Variants in ATG10 observed in about 807,000 individuals in gnomAD.
ATG10 encodes ubiquitin-like-conjugating enzyme ATG10.
In ATG10, 30 loss-of-function variants were observed where a neutral mutation model predicts 32.1. That is an observed-to-expected ratio of 0.94 (90% CI 0.70 to 1.27). The LOEUF (loss-of-function observed/expected upper bound fraction) is 1.27. ATG10 is among the 50% of genes most tolerant of loss of function. ATG10 has a pLI of 0.00. For missense variants in ATG10, 233 were observed against 262.3 expected (o/e 0.89, Z 0.77); for synonymous variants, 87 against 91.5 (o/e 0.95, Z 0.28).
chr5:82,230,477 T>C (rs1746314319), intron 5 of ATG10, among the ~76,000 whole-genome samples: 1 of 152,186 alleles, frequency 6.6e-6, no homozygotes, highest in Non-Finnish European at 1.5e-5. Context: ...CTCACGCCTG[T>C]AATCCCAGCA....
In ATG10 at chr5:82,035,302, C is replaced by T. The variant is rs547282520; in HGVS notation, c.109-23193C>T. ...TTCTTCATCCTGCACTCTACCCTGCCCTCCAGAATGTAAGCTCCATGAAGG... is the reference window on the plus strand; with the variant it reads ...TTCTTCATCCTGCACTCTACCCTGCTCTCCAGAATGTAAGCTCCATGAAGG... On this transcript the variant is annotated intron_variant, in intron 2 of 7. Transcript: ENST00000282185. Among the ~76,000 whole-genome samples the T allele has an allele frequency of 4.6e-5, 7 of 152,236 alleles. No individual in the cohort carries two copies. In the South Asian group the frequency reaches 8.3e-4, roughly 18 times the overall value.
intron 3 of ATG10, among the ~76,000 whole-genome samples, chr5:82,091,538 ATCT>A (rs978521939): frequency 2.0e-5 from 3 of 152,178 alleles, no homozygotes; most frequent in Admixed American, 1.3e-4. Flanking sequence ...TTTAACAGAG[ATCT>A]TCTTAAACAC....
chr5:82,079,827 T>C (rs544612415), intron 3 of ATG10, among the ~76,000 whole-genome samples: 1 of 152,166 alleles, frequency 6.6e-6, no homozygotes, highest in African/African-American at 2.4e-5. Context: ...AATAAACATA[T>C]GTGTGCATGT....
chr5:82,247,185 T>C (rs1278502263), intron 5 of ATG10, among the ~76,000 whole-genome samples: 1 of 152,224 alleles, frequency 6.6e-6, no homozygotes, highest in African/African-American at 2.4e-5. Flanking sequence ...ATGTATTTCA[T>C]CAAAGTTTGA....
intron 3 of ATG10, among the ~76,000 whole-genome samples, chr5:82,138,512 A>G (rs1057230068): frequency 6.6e-6 from 1 of 152,102 alleles, no homozygotes; most frequent in Admixed American, 6.5e-5. Flanking sequence ...TTCCCGGGTC[A>G]GGTGATGCCT....
chr5:82,079,635 G>GCA (rs1764405260), intron 3 of ATG10, among the ~76,000 whole-genome samples: 1 of 151,402 alleles, frequency 6.6e-6, no homozygotes, highest in African/African-American at 2.4e-5. Context: ...TTTTCCCTGT[G>GCA]ATAGTTTGCT....
chr5:82,185,806 A>G (rs1031121166), intron 5 of ATG10, among the ~76,000 whole-genome samples: 1 of 152,198 alleles, frequency 6.6e-6, no homozygotes, highest in Non-Finnish European at 1.5e-5. Flanking sequence ...TGCTTCCTCT[A>G]GTAATAATCT....
In ATG10 at chr5:82,122,159, A is replaced by G. The variant is rs143768938; in HGVS notation, c.217-42240A>G. 7.7e-4 allele frequency among the ~76,000 whole-genome samples: 117 copies of G among 152,128 alleles called. 3 individuals carry two copies. In the East Asian group the frequency reaches 0.021, roughly 27 times the overall value. On this transcript the variant is annotated intron_variant, in intron 3 of 7. Coordinates refer to ENST00000282185, the MANE Select transcript of ATG10 (RefSeq NM_031482.5). ...TGATAGGATATTCATTACTGATTCAATTTTGGAGCTGTTATTGGTCTGTTC... is the reference window on the plus strand; with the variant it reads ...TGATAGGATATTCATTACTGATTCAGTTTTGGAGCTGTTATTGGTCTGTTC...
chr5:81,993,374 T>TTTCTTTCCTTCTTTC (rs776175236), intron 2 of ATG10, among the ~76,000 whole-genome samples: 1 of 39,858 alleles, frequency 2.5e-5, no homozygotes, highest in Admixed American at 2.3e-4. Flanking sequence ...TTTTCTTTTC[T>TTTCTTTCCTTCTTTC]TTTCTTTTCT....
At chr5:82,206,988 T>C (rs1476988897) in intron 5 of ATG10, among the ~76,000 whole-genome samples, 1 of 152,224 alleles carries the variant, frequency 6.6e-6, no homozygotes, top group African/African-American at 2.4e-5. Context: ...TTAATTTTTA[T>C]TGCTATAAAT....
At chr5:82,204,501 C>A (rs1288121002) in intron 5 of ATG10, among the ~76,000 whole-genome samples, 2 of 152,076 alleles carry the variant, frequency 1.3e-5, no homozygotes, top group African/African-American at 2.4e-5. Flanking sequence ...TCTCTTGAAT[C>A]TTACAATTTA....
chr5:82,041,275 AT>A (rs1292370939), intron 2 of ATG10, among the ~76,000 whole-genome samples: 3 of 152,230 alleles, frequency 2.0e-5, no homozygotes, highest in African/African-American at 7.2e-5. Flanking sequence ...TGTTTCCCAT[AT>A]CAGAATATAA....
chr5:82,187,293 T>G (rs2149938431), intron 5 of ATG10, among the ~76,000 whole-genome samples: 1 of 152,054 alleles, frequency 6.6e-6, no homozygotes, highest in African/African-American at 2.4e-5. Flanking sequence ...GGTAGATCAC[T>G]TGAGGTCAGG....
At chr5:82,232,675 T>A (rs1419778985) in intron 5 of ATG10, among the ~76,000 whole-genome samples, 5 of 152,222 alleles carry the variant, frequency 3.3e-5, no homozygotes, top group Admixed American at 2.6e-4. Context: ...CCTTCTTTCT[T>A]GATACAGTAG....
At chr5:82,141,170 C>T (rs1767112003) in intron 3 of ATG10, among the ~76,000 whole-genome samples, 1 of 146,304 alleles carries the variant, frequency 6.8e-6, no homozygotes, top group South Asian at 2.3e-4. Context: ...CACTATTGTC[C>T]CATGACCCTG....
intron 3 of ATG10, among the ~76,000 whole-genome samples, chr5:82,094,523 A>G (rs1034810075): frequency 1.3e-5 from 2 of 152,146 alleles, no homozygotes; most frequent in Admixed American, 6.5e-5. Flanking sequence ...ATGTATCACA[A>G]TTTAAAATAG....
chr5:82,119,075 C>A (rs1423597792), intron 3 of ATG10, among the ~76,000 whole-genome samples: 1 of 152,170 alleles, frequency 6.6e-6, no homozygotes, highest in Non-Finnish European at 1.5e-5. Flanking sequence ...AGTCAAATTA[C>A]TTTAACCTAT....
intron 2 of ATG10, among the ~76,000 whole-genome samples, chr5:82,004,316 T>TG (rs898179732): frequency 6.6e-6 from 1 of 152,288 alleles, no homozygotes; most frequent in African/African-American, 2.4e-5. Flanking sequence ...TTACTAAAAA[T>TG]GGGGGAACCA....
chr5:82,005,086 G>A (rs1761956050), intron 2 of ATG10, among the ~76,000 whole-genome samples: 1 of 152,114 alleles, frequency 6.6e-6, no homozygotes, highest in African/African-American at 2.4e-5. Flanking sequence ...AAGGAGTATA[G>A]CTAAATAAAA....
Sources: gnomAD v4.1 joint callset for allele counts (sites outside exome capture counted in the v4.1 genomes callset) on GRCh38, gnomAD v4.1.1 for gene constraint, MANE v1.5 for transcripts, NCBI Gene and HGNC (gene_info 2026-07-23, HGNC 2026-07-21) for gene names.